NXPE3: variants seen among roughly 807,000 people sequenced by gnomAD.
NXPE3 encodes the protein NXPE family member 3.
Under a neutral mutation model 46.1 loss-of-function variants are expected in NXPE3, and 26 were observed. The ratio of observed to expected loss-of-function variants is 0.56; its 90% CI spans 0.41 to 0.78. The LOEUF (loss-of-function observed/expected upper bound fraction) is 0.78. Ranked by LOEUF, NXPE3 falls within the 30% of genes least tolerant of loss-of-function variation. NXPE3 has a pLI of 0.00. For synonymous variants in NXPE3, 272 were observed against 257.9 expected (o/e 1.05, Z -0.52); for missense variants, 620 against 686.0 (o/e 0.90, Z 1.07).
At chr3:101,804,355 G>T (rs560400693) in intron 5 of NXPE3, among the ~76,000 whole-genome samples, 65 of 152,318 alleles carry the variant, frequency 4.3e-4, no homozygotes, top group African/African-American at 1.4e-3. Flanking sequence ...GTTTGTCCCT[G>T]CCCTTCCTTG....
At chr3:101,794,774 T>C (rs904876707) in intron 4 of NXPE3, among the ~76,000 whole-genome samples, 7 of 152,208 alleles carry the variant, frequency 4.6e-5, no homozygotes, top group Non-Finnish European at 7.3e-5. Context: ...AGTAATGTTA[T>C]AACAGTCAGG....
At chr3:101,796,068 A>G (rs1299254286) in intron 4 of NXPE3, among the ~76,000 whole-genome samples, 1 of 152,232 alleles carries the variant, frequency 6.6e-6, no homozygotes, top group African/African-American at 2.4e-5. Context: ...GCATGCAAGC[A>G]TAAGCCTCCA....
chr3:101,805,194 C>G (rs1186008862), intron 5 of NXPE3, among the ~76,000 whole-genome samples: 2 of 152,130 alleles, frequency 1.3e-5, no homozygotes, highest in Non-Finnish European at 2.9e-5. Flanking sequence ...CCATAATGAT[C>G]ACATTTGGGA....
At chr3:101,821,278 A>C (rs373062505) in intron 7 of NXPE3, 126 bp from the exon 8 acceptor site, 3 of 713,756 alleles carry the variant, frequency 4.2e-6, no homozygotes, top group South Asian at 1.9e-5. Context: ...TTCCCTTTAC[A>C]TTTATATTGT....
At chr3:101,806,960 G>T in intron 5 of NXPE3, 93 bp from the exon 6 acceptor site, 1 of 863,742 alleles carries the variant, frequency 1.2e-6, no homozygotes, top group South Asian at 1.4e-5. Flanking sequence ...AAGGCTCCGT[G>T]AAATTAGTCA....
At chr3:101,797,893 A>C (rs1167374875) in intron 4 of NXPE3, among the ~76,000 whole-genome samples, 1 of 62,312 alleles carries the variant, frequency 1.6e-5, no homozygotes, top group Non-Finnish European at 3.2e-5. Flanking sequence ...ATACGTGTGC[A>C]TGTGTCTTTA....
chr3:101,793,495 A>G lies in NXPE3; in HGVS notation c.94-7740A>G, dbSNP rs749433618. 1.7e-4 allele frequency among the ~76,000 whole-genome samples: 26 copies of G among 151,236 alleles called. 1 individual carries two copies. The highest frequency in any genetic ancestry group is 2.5e-4 in the Non-Finnish European group (17 of 67,826). ...TAGTTGGGGTGCTTAGCCTGTTTACATTTAATATATTTTTTGAAAGCATTA... is the reference window on the plus strand; with the variant it reads ...TAGTTGGGGTGCTTAGCCTGTTTACGTTTAATATATTTTTTGAAAGCATTA... On this transcript the variant is annotated intron_variant, in intron 4 of 7. Coordinates refer to ENST00000273347, the MANE Select transcript of NXPE3 (RefSeq NM_145037.4).
At position 101,826,621 on chromosome 3, in the gene NXPE3, G is replaced by A. The variant is rs183418804; in HGVS notation, c.*4667G>A. 1 of 152,274 alleles carries A rather than the reference G, an allele frequency of 6.6e-6. No homozygotes were observed. Among genetic ancestry groups the A allele is most frequent in the East Asian group, 1.9e-4 (1 of 5,190 alleles). 9.4% of individuals were successfully genotyped at this position (152,274 alleles called of 1,614,324 possible). On this transcript the variant is annotated 3_prime_UTR_variant, in exon 8 of 8. Coordinates refer to ENST00000273347, the MANE Select transcript of NXPE3 (RefSeq NM_145037.4). ...TCCTAGGGGAATGGAGGTGGTGGAC[G>A]ATAAGAGGATGGTTGAGGGCAGGAG...
At chr3:101,786,872 C>T (rs1940216227) in intron 4 of NXPE3, among the ~76,000 whole-genome samples, 1 of 152,164 alleles carries the variant, frequency 6.6e-6, no homozygotes, top group Non-Finnish European at 1.5e-5. Context: ...AATCACCCCA[C>T]CATCTATGTC....
intron 4 of NXPE3, among the ~76,000 whole-genome samples, chr3:101,794,705 A>G (rs562525415): frequency 1.7e-4 from 26 of 152,192 alleles, no homozygotes; most frequent in Non-Finnish European, 2.9e-5. Context: ...TGGGTAGAGA[A>G]GGAGGAAGGT....
chr3:101,802,106 C>T, intron 5 of NXPE3, 117 bp downstream of exon 5: 1 of 935,150 alleles, frequency 1.1e-6, no homozygotes, highest in African/African-American at 1.6e-5. Flanking sequence ...CAACTTGGCC[C>T]AATACAGAAG....
chr3:101,782,919 A>T (rs905773643), intron 3 of NXPE3, 139 bp downstream of exon 3: 76 of 152,216 alleles, frequency 5.0e-4, no homozygotes, highest in African/African-American at 1.7e-3. Flanking sequence ...AAGTGTTGGG[A>T]TTATTGGCGT....
intron 3 of NXPE3, among the ~76,000 whole-genome samples, chr3:101,784,904 A>G (rs902933486): frequency 1.3e-4 from 20 of 152,088 alleles, no homozygotes; most frequent in Admixed American, 2.6e-4. Flanking sequence ...GTCTCCTGCC[A>G]TACCTCTGTA....
At chr3:101,788,480 T>C (rs1289716743) in intron 4 of NXPE3, among the ~76,000 whole-genome samples, 3 of 152,252 alleles carry the variant, frequency 2.0e-5, no homozygotes, top group African/African-American at 7.2e-5. Context: ...CTTTCCTCTG[T>C]GTTTTCTTCT....
At position 101,785,494 on chromosome 3, in the gene NXPE3, GA is replaced by G; in HGVS notation, c.-100del. 1 of 986,108 alleles carries G rather than the reference GA, an allele frequency of 1.0e-6. No homozygotes were observed. Among genetic ancestry groups the G allele is most frequent in the Non-Finnish European group, 1.6e-6 (1 of 615,478 alleles). The allele number at this position is 986,108 out of a possible 1,614,324, so 61.1% of individuals were successfully genotyped here. A position where few individuals can be genotyped will look rare whatever the true frequency, so the allele number is the denominator to read the frequency against. On this transcript the variant is annotated 5_prime_UTR_variant, in exon 4 of 8. The change abolishes the stop of an existing upstream ORF in the 5' untranslated region. Transcript: ENST00000273347. ...GGGTACTAGCAGGATAGAAGCAAAT[GA>G]AACTGAAAGCTCATCTGCAGCTCAG...
intron 3 of NXPE3, among the ~76,000 whole-genome samples, chr3:101,783,255 G>A (rs1939937308): frequency 6.6e-6 from 1 of 151,862 alleles, no homozygotes; most frequent in African/African-American, 2.4e-5. Context: ...TAGAGACAAG[G>A]TTTCACCATG....
At position 101,821,368 on chromosome 3, in the gene NXPE3, G is replaced by T. The variant is rs1009171318; in HGVS notation, c.1130-36G>T. 6 of 1,584,218 alleles carry T rather than the reference G, an allele frequency of 3.8e-6. No individual in the cohort carries two copies. The African/African-American group carries it at 6.7e-5, about 18-fold the overall frequency. ...TAATCAAAATATATGTGCTTGGTTT[G>T]AAGGTTTTTATGAACTTGAGTTTTC... On this transcript the variant is annotated intron_variant, in intron 7 of 7. Coordinates refer to ENST00000273347, the MANE Select transcript of NXPE3 (RefSeq NM_145037.4).
chr3:101,782,290 G>T lies in NXPE3; in HGVS notation c.-317G>T, dbSNP rs1358938071. ...CTCTTCTTGGAAAATTTCCAAAAAA[G>T]GTAAATTACATTGAATTATATATTT... On this transcript the variant is annotated splice_region_variant and 5_prime_UTR_variant, in exon 2 of 8. Transcript: ENST00000273347. 6.6e-6 allele frequency: 1 copy of T among 152,110 alleles called. No homozygotes were observed. The highest frequency in any genetic ancestry group is 1.5e-5 in the Non-Finnish European group (1 of 68,020). 9.4% of individuals were successfully genotyped at this position (152,110 alleles called of 1,614,324 possible).
chr3:101,802,123 T>G, intron 5 of NXPE3, 134 bp downstream of exon 5: 1 of 722,256 alleles, frequency 1.4e-6, no homozygotes, highest in Non-Finnish European at 2.2e-6. Context: ...GAAGAGGTAG[T>G]GAATAAAAAA....
Sources: gnomAD v4.1 joint callset for allele counts (sites outside exome capture counted in the v4.1 genomes callset) on GRCh38, gnomAD v4.1.1 for gene constraint, MANE v1.5 for transcripts, NCBI Gene and HGNC (gene_info 2026-07-23, HGNC 2026-07-21) for gene names.